The following MMP16 variants were observed in gnomAD, a reference collection of about 807,000 sequenced individuals.
MMP16 encodes the protein matrix metalloproteinase-16.
Under a neutral mutation model 67.8 loss-of-function variants are expected in MMP16, and 12 were observed. The ratio of observed to expected loss-of-function variants is 0.18; its 90% CI spans 0.11 to 0.29. The LOEUF is 0.29. Among genes scored for constraint, MMP16 ranks in the 10% least tolerant of loss-of-function variants. The pLI is 1.00. For synonymous variants in MMP16, 249 were observed against 255.9 expected, an observed-to-expected ratio of 0.97 and a Z score of 0.26; for missense variants, 475 against 765.7, an observed-to-expected ratio of 0.62 and a Z score of 4.48.
chr8:88,143,473 TATA>T (rs1354746303), intron 4 of MMP16, among the ~76,000 whole-genome samples: 3 of 152,120 alleles, frequency 2.0e-5, no homozygotes, highest in Non-Finnish European at 4.4e-5. Flanking sequence ...ATGCAAAACT[TATA>T]ATCTATTCTG....
chr8:88,059,047 T>A (rs1299858417), intron 7 of MMP16, among the ~76,000 whole-genome samples: 1 of 152,014 alleles, frequency 6.6e-6, no homozygotes. Flanking sequence ...TAAAGGTGAA[T>A]GGGCTGTTGG....
chr8:88,185,213 C>T (rs1314130510), intron 3 of MMP16, among the ~76,000 whole-genome samples: 4 of 152,218 alleles, frequency 2.6e-5, no homozygotes, highest in African/African-American at 9.6e-5. Flanking sequence ...AATCCTAGCA[C>T]TTTGGGAGGC....
At chr8:88,097,625 CAAAAAAAAAAAA>C (rs34488162) in intron 6 of MMP16, among the ~76,000 whole-genome samples, 2 of 67,496 alleles carry the variant, frequency 3.0e-5, no homozygotes, top group African/African-American at 1.2e-4. Context: ...AACCCTGTCT[CAAAAAAAAAAAA>C]AAAAAAAAAA....
At chr8:88,155,613 A>G (rs1449161982) in intron 4 of MMP16, among the ~76,000 whole-genome samples, 1 of 151,990 alleles carries the variant, frequency 6.6e-6, no homozygotes, top group Non-Finnish European at 1.5e-5. Context: ...CTTAAGCTGG[A>G]TTTATTTACC....
intron 6 of MMP16, among the ~76,000 whole-genome samples, chr8:88,101,093 T>G (rs1280392273): frequency 6.6e-6 from 1 of 151,812 alleles, no homozygotes; most frequent in Non-Finnish European, 1.5e-5. Flanking sequence ...CTGCACGTTG[T>G]GCACATGTAC....
chr8:88,156,037 A>C (rs956607624), intron 4 of MMP16, among the ~76,000 whole-genome samples: 1 of 152,172 alleles, frequency 6.6e-6, no homozygotes, highest in Non-Finnish European at 1.5e-5. Context: ...TGAGTTAAAT[A>C]CACAAAATTA....
intron 8 of MMP16, among the ~76,000 whole-genome samples, chr8:88,051,476 A>C (rs1484140876): frequency 3.9e-5 from 6 of 152,114 alleles, no homozygotes; most frequent in Non-Finnish European, 8.8e-5. Context: ...TCTACTGTAA[A>C]ATTTTGACTT....
intron 1 of MMP16, among the ~76,000 whole-genome samples, chr8:88,245,777 A>T (rs1324232681): frequency 6.6e-6 from 1 of 152,190 alleles, no homozygotes; most frequent in East Asian, 1.9e-4. Context: ...AAGAAATGTG[A>T]CAATATCAAG....
chr8:88,104,077 C>A (rs1809193643), intron 6 of MMP16, among the ~76,000 whole-genome samples: 1 of 151,548 alleles, frequency 6.6e-6, no homozygotes, highest in Non-Finnish European at 1.5e-5. Context: ...ATGGCTTCAC[C>A]ATCACTTAAT....
At chr8:88,186,646 T>C (rs1260534482) in intron 2 of MMP16, 48 bp from the exon 3 acceptor site, 1 of 1,564,412 alleles carries the variant, frequency 6.4e-7, no homozygotes, top group South Asian at 1.2e-5. Flanking sequence ...TCCAGTTATT[T>C]ACTAACAACC....
chr8:88,088,077 T>C (rs529907104), intron 6 of MMP16, among the ~76,000 whole-genome samples: 3 of 98,532 alleles, frequency 3.0e-5, no homozygotes. Flanking sequence ...TAGATATCTA[T>C]ATATCTATAT....
chr8:88,071,497 A>G (rs1176327755), intron 7 of MMP16, among the ~76,000 whole-genome samples: 1 of 152,166 alleles, frequency 6.6e-6, no homozygotes, highest in Non-Finnish European at 1.5e-5. Context: ...AAAAAAACAT[A>G]AAAGATGATT....
At chr8:88,085,931 A>G (rs544058246) in intron 6 of MMP16, among the ~76,000 whole-genome samples, 1 of 150,198 alleles carries the variant, frequency 6.7e-6, no homozygotes, top group East Asian at 1.9e-4. Context: ...ATTAATTAGT[A>G]TTCATTTTAA....
At chr8:88,289,133 CAGAG>C (rs149638416) in intron 1 of MMP16, among the ~76,000 whole-genome samples, 12 of 149,020 alleles carry the variant, frequency 8.1e-5, no homozygotes, top group Non-Finnish European at 1.5e-4. Flanking sequence ...GAGACAGAGA[CAGAG>C]AGAGAGAGAG....
At chr8:88,253,453 T>C (rs989058991) in intron 1 of MMP16, among the ~76,000 whole-genome samples, 1 of 152,118 alleles carries the variant, frequency 6.6e-6, no homozygotes, top group Non-Finnish European at 1.5e-5. Context: ...GTTAACAGTA[T>C]GTACCTCGAT....
chr8:88,252,840 A>C (rs1455224461), intron 1 of MMP16, among the ~76,000 whole-genome samples: 1 of 152,104 alleles, frequency 6.6e-6, no homozygotes, highest in Non-Finnish European at 1.5e-5. Context: ...ACTAATGTAG[A>C]AACATTTAAT....
chr8:88,306,250 C>A (rs748614605), intron 1 of MMP16, among the ~76,000 whole-genome samples: 1 of 152,014 alleles, frequency 6.6e-6, no homozygotes, highest in African/African-American at 2.4e-5. Flanking sequence ...AATTGCATTC[C>A]TGAAAGACCA....
intron 4 of MMP16, among the ~76,000 whole-genome samples, chr8:88,155,879 T>A (rs1371932797): frequency 6.6e-6 from 1 of 152,148 alleles, no homozygotes; most frequent in African/African-American, 2.4e-5. Context: ...TAGATGTTCC[T>A]TTTCCTTGAT....
At chr8:88,087,800 G>A (rs1299205127) in intron 6 of MMP16, among the ~76,000 whole-genome samples, 1 of 151,232 alleles carries the variant, frequency 6.6e-6, no homozygotes, top group Non-Finnish European at 1.5e-5. Flanking sequence ...AAAAATAGCT[G>A]GGCATGGTGG....
Sources: allele counts gnomAD v4.1 joint callset (sites outside exome capture counted in the v4.1 genomes callset), GRCh38; gene constraint gnomAD v4.1.1; transcripts MANE v1.5; gene names NCBI Gene and HGNC (gene_info 2026-07-23, HGNC 2026-07-21).